Variants in MKLN1 observed in about 807,000 individuals in gnomAD.
MKLN1 encodes muskelin.
MKLN1 carries 18 observed loss-of-function variants against 99.0 expected under a neutral mutation model. The observed-to-expected ratio is 0.18, with a 90% confidence interval of 0.13 to 0.27. The LOEUF (loss-of-function observed/expected upper bound fraction) is 0.27, where lower values mean the gene tolerates loss of function less well. Among genes scored for constraint, MKLN1 ranks in the 10% least tolerant of loss-of-function variants. The pLI, the probability that MKLN1 is intolerant of heterozygous loss-of-function variation, is 1.00. For synonymous variants in MKLN1, 288 were observed against 293.2 expected, an observed-to-expected ratio of 0.98 and a Z score of 0.18; for missense variants, 621 against 875.9, an observed-to-expected ratio of 0.71 and a Z score of 3.67.
intron 1 of MKLN1, among the ~76,000 whole-genome samples, chr7:131,362,331 T>C (rs1235554405): frequency 6.6e-6 from 1 of 152,044 alleles, no homozygotes; most frequent in East Asian, 1.9e-4. Context: ...TGGTCTGTTA[T>C]TGACAGAAAC....
At chr7:131,237,855 A>G (rs1326641284) in intron 3 of MKLN1, among the ~76,000 whole-genome samples, 2 of 152,188 alleles carry the variant, frequency 1.3e-5, no homozygotes, top group Non-Finnish European at 2.9e-5. Context: ...ATCAAAAATA[A>G]CTAAAGGGTG....
At chr7:131,298,747 G>A (rs1393759494) in intron 3 of MKLN1, among the ~76,000 whole-genome samples, 2 of 152,162 alleles carry the variant, frequency 1.3e-5, no homozygotes, top group African/African-American at 4.8e-5. Flanking sequence ...TCATGTTGCA[G>A]GTGAATGCTG....
chr7:131,431,240 A>C (rs866165775), intron 9 of MKLN1, among the ~76,000 whole-genome samples: 16 of 151,784 alleles, frequency 1.1e-4, no homozygotes, highest in South Asian at 4.2e-4. Flanking sequence ...ACAAAAAAAA[A>C]CAACCAAAAA....
chr7:131,274,121 G>A lies in MKLN1; in HGVS notation c.-179+71147G>A, dbSNP rs1433287522. Among the ~76,000 whole-genome samples, 11 of 152,266 alleles carry A rather than the reference G, an allele frequency of 7.2e-5. 1 individual carries two copies. The South Asian group carries it at 2.3e-3, about 32-fold the overall frequency. On this transcript the variant is annotated intron_variant, in intron 3 of 7. Transcript: ENST00000416992. ...ATGACATGTCCTCTGACTTAAGTAG[G>A]AATGGGTATTATTAAGTTATTTTAC...
chr7:131,209,103 T>A (rs1796861588), intron 3 of MKLN1, among the ~76,000 whole-genome samples: 1 of 152,092 alleles, frequency 6.6e-6, no homozygotes, highest in Non-Finnish European at 1.5e-5. Context: ...ATCCTCAAGA[T>A]GGCAAGAAAT....
chr7:131,349,258 C>A (rs923687441), intron 1 of MKLN1, among the ~76,000 whole-genome samples: 1 of 151,332 alleles, frequency 6.6e-6, no homozygotes, highest in Non-Finnish European at 1.5e-5. Context: ...TACAGTGGCA[C>A]GATCTCGGCT....
chr7:131,170,509 C>G (rs1796200003), intron 2 of MKLN1, among the ~76,000 whole-genome samples: 1 of 152,152 alleles, frequency 6.6e-6, no homozygotes, highest in Admixed American at 6.5e-5. Flanking sequence ...TGACTAATTC[C>G]ATTGGAAAGC....
chr7:131,158,873 G>A (rs573764297), intron 2 of MKLN1, among the ~76,000 whole-genome samples: 40 of 152,258 alleles, frequency 2.6e-4, no homozygotes, highest in Non-Finnish European at 4.4e-4. Flanking sequence ...CCACTGTTTG[G>A]GGTGCTTGGA....
intron 1 of MKLN1, among the ~76,000 whole-genome samples, chr7:131,329,386 C>G (rs1049242441): frequency 1.3e-5 from 2 of 152,138 alleles, no homozygotes; most frequent in Admixed American, 6.5e-5. Flanking sequence ...ATGCTGAAAC[C>G]CAACTTTGAA....
At chr7:131,424,498 G>C (rs373707175) in intron 8 of MKLN1, among the ~76,000 whole-genome samples, 84 of 151,978 alleles carry the variant, frequency 5.5e-4, no homozygotes, top group African/African-American at 1.9e-3. Context: ...TTGCACTTGG[G>C]CACTAAAAAT....
intron 3 of MKLN1, among the ~76,000 whole-genome samples, chr7:131,322,639 C>T (rs1253433100): frequency 2.0e-5 from 3 of 147,148 alleles, no homozygotes; most frequent in East Asian, 2.0e-4. Context: ...GGCGCAATCT[C>T]GGCTCACTGC....
intron 12 of MKLN1, among the ~76,000 whole-genome samples, chr7:131,455,219 G>A (rs867432028): frequency 1.2e-4 from 18 of 152,196 alleles, no homozygotes; most frequent in Admixed American, 2.6e-4. Flanking sequence ...TCTTCCTCAG[G>A]AATTCAAAGG....
chr7:131,349,783 C>T (rs576898956), intron 1 of MKLN1, among the ~76,000 whole-genome samples: 56 of 152,200 alleles, frequency 3.7e-4, no homozygotes, highest in Admixed American at 1.8e-3. Context: ...ATCATGTTAG[C>T]GAGCTTTTTA....
chr7:131,185,899 A>G (rs1796443306), intron 2 of MKLN1, among the ~76,000 whole-genome samples: 1 of 152,138 alleles, frequency 6.6e-6, no homozygotes, highest in African/African-American at 2.4e-5. Context: ...ATATTAATTT[A>G]AAACATCTGT....
At chr7:131,276,034 G>A (rs997475062) in intron 3 of MKLN1, among the ~76,000 whole-genome samples, 2 of 152,184 alleles carry the variant, frequency 1.3e-5, no homozygotes, top group Non-Finnish European at 2.9e-5. Flanking sequence ...GAAGGGAGGT[G>A]CTAGACTGTG....
chr7:131,310,624 G>A (rs1584905927), intron 3 of MKLN1: 3 of 152,332 alleles, frequency 2.0e-5, no homozygotes, highest in South Asian at 2.1e-4. Context: ...AGGGAACTAC[G>A]TAGACAAGGG....
chr7:131,413,539 T>G (rs1462090862), intron 7 of MKLN1, among the ~76,000 whole-genome samples: 2 of 152,094 alleles, frequency 1.3e-5, no homozygotes, highest in Non-Finnish European at 2.9e-5. Flanking sequence ...TGAAATTAAT[T>G]TATAACTTTT....
At chr7:131,201,786 G>A (rs1295929579) in intron 2 of MKLN1, among the ~76,000 whole-genome samples, 1 of 152,164 alleles carries the variant, frequency 6.6e-6, no homozygotes, top group East Asian at 1.9e-4. Flanking sequence ...TGACAAATGA[G>A]TGTTGCTAAG....
intron 1 of MKLN1, among the ~76,000 whole-genome samples, chr7:131,135,247 C>T (rs1350356983): frequency 2.0e-5 from 3 of 152,188 alleles, no homozygotes; most frequent in Admixed American, 2.0e-4. Flanking sequence ...CTCAGCCTCC[C>T]GAGTAGCTGG....
Sources: gnomAD v4.1 joint callset for allele counts (sites outside exome capture counted in the v4.1 genomes callset) on GRCh38, gnomAD v4.1.1 for gene constraint, MANE v1.5 for transcripts, NCBI Gene and HGNC (gene_info 2026-07-23, HGNC 2026-07-21) for gene names.